CRIM1: variants seen among roughly 807,000 people sequenced by gnomAD.
CRIM1 encodes the protein cysteine rich transmembrane BMP regulator 1, also known as cysteine-rich motor neuron 1 protein.
A neutral mutation model predicts 116.4 loss-of-function variants in CRIM1; 32 were observed. The observed-to-expected ratio is 0.27, with a 90% CI of 0.21 to 0.37. The LOEUF is 0.37. Among genes scored for constraint, CRIM1 ranks in the 10% least tolerant of loss-of-function variants. The pLI is 1.00. For synonymous variants in CRIM1, 590 were observed against 509.2 expected (o/e 1.16, Z -2.13); for missense variants, 1,331 against 1,354.8 (o/e 0.98, Z 0.28).
At chr2:36,376,940 C>G (rs1011932304) in intron 1 of CRIM1, among the ~76,000 whole-genome samples, 3 of 152,158 alleles carry the variant, frequency 2.0e-5, no homozygotes, top group African/African-American at 7.2e-5. Context: ...CTGTGTATCA[C>G]TCTCTCTAAT....
rs1667403716 is a variant in CRIM1, at chr2:36,547,097, A to G, written c.2860A>G (p.Ile954Val). ...VVPIIICLSIIIAFLFINQKK... is the reference protein window; with the variant it reads ...VVPIIICLSIVIAFLFINQKK... ...TCCCATAATTATATGCCTCTCTATTATAATAGCATTCCTATTCATCAATCA... is the reference window on the plus strand; with the variant it reads ...TCCCATAATTATATGCCTCTCTATTGTAATAGCATTCCTATTCATCAATCA... Residue 954 changes from isoleucine (I) to valine (V), a missense_variant, in exon 16 of 17, where the codon ATA (isoleucine) becomes GTA (valine). Ile to Val is a conservative substitution (Grantham distance 29). Around this residue, in one of 3 missense-constraint regions of CRIM1, gnomAD observed 283 missense variants for 242.8 expected, o/e 1.17. Transcript: ENST00000280527. The G allele has an allele frequency of 6.2e-7, 1 of 1,612,828 alleles. No homozygotes were observed. The highest frequency in any genetic ancestry group is 8.5e-7 in the Non-Finnish European group (1 of 1,178,920).
intron 1 of CRIM1, among the ~76,000 whole-genome samples, chr2:36,393,577 C>T (rs1454639029): frequency 1.3e-5 from 2 of 151,910 alleles, no homozygotes; most frequent in African/African-American, 4.8e-5. Flanking sequence ...TTACATAAAA[C>T]CACTATGGTA....
chr2:36,516,723 A>G (rs991713408), intron 11 of CRIM1, among the ~76,000 whole-genome samples: 11 of 152,156 alleles, frequency 7.2e-5, no homozygotes, highest in Non-Finnish European at 1.6e-4. Context: ...CATATTTCCA[A>G]GCATAAAAGT....
At position 36,441,488 on chromosome 2, in the gene CRIM1, G is replaced by A; in HGVS notation, c.736G>A (p.Glu246Lys). 1.9e-6 allele frequency: 3 copies of A among 1,610,912 alleles called. No homozygotes were observed. Among genetic ancestry groups the A allele is most frequent in the Non-Finnish European group, 2.5e-6 (3 of 1,179,992 alleles). Reference sequence around the variant, plus strand: ...GCCGGGAGAGTGCTGTGACCTCTATGAGTGCAAACCAGGTATGCACGAGCT... The same window carrying A: ...GCCGGGAGAGTGCTGTGACCTCTATAAGTGCAAACCAGGTATGCACGAGCT... ...GKPGECCDLY[E>K]CKPVFGVDCR... is the part of the protein sequence containing the mutation. Residue 246 changes from glutamate (E) to lysine (K), a missense_variant, in exon 3 of 17, where the codon GAG (glutamate) becomes AAG (lysine). This residue lies in a region of CRIM1 where 690 missense variants were observed against 676.0 expected (regional missense o/e 1.02). Coordinates refer to ENST00000280527, the MANE Select transcript of CRIM1 (RefSeq NM_016441.3).
At chr2:36,414,431 T>G (rs1265728510) in intron 2 of CRIM1, among the ~76,000 whole-genome samples, 7 of 152,180 alleles carry the variant, frequency 4.6e-5, no homozygotes. Context: ...TCAACAAATA[T>G]TTATTGAGCG....
intron 4 of CRIM1, among the ~76,000 whole-genome samples, chr2:36,447,842 C>T (rs2124956789): frequency 6.6e-6 from 1 of 152,288 alleles, no homozygotes; most frequent in East Asian, 1.9e-4. Context: ...TGGTGTGTTT[C>T]AGAAACGTGA....
chr2:36,520,963 C>T (rs1009978589), intron 12 of CRIM1, among the ~76,000 whole-genome samples: 1 of 152,190 alleles, frequency 6.6e-6, no homozygotes, highest in African/African-American at 2.4e-5. Flanking sequence ...AAATGTGGCC[C>T]TCTTAGAGCT....
intron 15 of CRIM1, among the ~76,000 whole-genome samples, chr2:36,546,103 T>C (rs1255328068): frequency 6.6e-6 from 1 of 152,174 alleles, no homozygotes; most frequent in African/African-American, 2.4e-5. Context: ...GAGCTGAATT[T>C]CCAGAACAAT....
chr2:36,518,354 C>G (rs1665162804), intron 12 of CRIM1, among the ~76,000 whole-genome samples: 1 of 152,140 alleles, frequency 6.6e-6, no homozygotes, highest in Non-Finnish European at 1.5e-5. Flanking sequence ...TAACCATTTA[C>G]TTTCTAAACA....
intron 10 of CRIM1, 97 bp from the exon 11 acceptor site, chr2:36,513,459 T>G: frequency 1.1e-6 from 1 of 889,962 alleles, no homozygotes; most frequent in Non-Finnish European, 1.9e-6. Flanking sequence ...TTAGACGTAA[T>G]TGTTGGTGGC....
intron 13 of CRIM1, among the ~76,000 whole-genome samples, chr2:36,530,426 G>A (rs1666033951): frequency 6.6e-6 from 1 of 152,092 alleles, no homozygotes; most frequent in Non-Finnish European, 1.5e-5. Flanking sequence ...CAAACAGGAG[G>A]TGCTCACATT....
intron 4 of CRIM1, among the ~76,000 whole-genome samples, chr2:36,461,856 G>A (rs1203010388): frequency 6.6e-6 from 1 of 152,172 alleles, no homozygotes; most frequent in African/African-American, 2.4e-5. Flanking sequence ...TTTCAGTAAG[G>A]TTTTAACCTA....
intron 14 of CRIM1, among the ~76,000 whole-genome samples, chr2:36,539,363 G>A (rs1026489820): frequency 6.6e-6 from 1 of 152,238 alleles, no homozygotes; most frequent in Non-Finnish European, 1.5e-5. Context: ...AGGAGGAGCT[G>A]TGTGGAGGTA....
intron 13 of CRIM1, chr2:36,532,008 CAG>C (rs1186610431): frequency 2.1e-6 from 1 of 470,454 alleles, no homozygotes; most frequent in Admixed American, 2.4e-5. Flanking sequence ...TGTATTCTTG[CAG>C]AGACTTTGTT....
chr2:36,476,936 G>A lies in CRIM1; in HGVS notation c.1039G>A (p.Asp347Asn), dbSNP rs767007762. The A allele has an allele frequency of 6.2e-7, 1 of 1,614,114 alleles. No individual in the cohort carries two copies. The highest frequency in any genetic ancestry group is 1.3e-5 in the African/African-American group (1 of 75,052). The change falls in exon 6 of 17, where the codon GAC (aspartate) becomes AAC (asparagine). Residue 347 changes from aspartate to asparagine, a missense_variant. By Grantham distance (23) the Asp-to-Asn change is conservative. Around this residue, in one of 3 missense-constraint regions of CRIM1, gnomAD observed 690 missense variants for 676.0 expected, o/e 1.02. Transcript: ENST00000280527. ...TAACAATGTGGAATATTATGATGGA[G>A]ACATGTTTCGAATGGACAACTGTCG... is the stretch of plus-strand genomic sequence containing the variant. ...VFNNVEYYDG[D>N]MFRMDNCRFC...
intron 1 of CRIM1, among the ~76,000 whole-genome samples, chr2:36,364,067 G>A (rs780370275): frequency 1.1e-4 from 17 of 152,170 alleles, no homozygotes; most frequent in Middle Eastern, 3.4e-3. Flanking sequence ...GTTAGTCGTC[G>A]GTACCTCCTA....
intron 6 of CRIM1, among the ~76,000 whole-genome samples, chr2:36,478,652 T>A (rs1679171690): frequency 6.6e-6 from 1 of 152,192 alleles, no homozygotes; most frequent in African/African-American, 2.4e-5. Flanking sequence ...GTCCTTAGAA[T>A]AATGATGACC....
At position 36,356,508 on chromosome 2, in the gene CRIM1, G is replaced by C; in HGVS notation, c.216G>C (p.Glu72Asp). ...ACACGTGCGCCAGCCAGAGGAACGA[G>C]AGCTGCGGCGGCACCTTCGGGATTT... is the stretch of plus-strand genomic sequence containing the variant. ...CCYTCASQRN[E>D]SCGGTFGIYG... Residue 72 changes from glutamate to aspartate, a missense_variant, in exon 1 of 17, where the codon GAG (glutamate) becomes GAC (aspartate). This residue lies in a region of CRIM1 where 690 missense variants were observed against 676.0 expected (regional missense o/e 1.02). Coordinates refer to ENST00000280527, the MANE Select transcript of CRIM1 (RefSeq NM_016441.3). The surrounding 1 kb of genome is among the most constrained non-coding windows in gnomAD (Gnocchi z 4.3). 2 of 1,612,922 alleles carry C rather than the reference G, an allele frequency of 1.2e-6. No individual in the cohort carries two copies. Among genetic ancestry groups the C allele is most frequent in the Non-Finnish European group, 8.5e-7 (1 of 1,179,862 alleles).
chr2:36,478,435 C>T (rs959988945), intron 6 of CRIM1, among the ~76,000 whole-genome samples: 2 of 152,112 alleles, frequency 1.3e-5, no homozygotes, highest in Non-Finnish European at 2.9e-5. Context: ...GGCATGGATC[C>T]AGTTATGTCT....
Sources: allele counts gnomAD v4.1 joint callset (sites outside exome capture counted in the v4.1 genomes callset), GRCh38; gene constraint gnomAD v4.1.1; regional missense constraint gnomAD v4.1.1; non-coding constraint Gnocchi (gnomAD v3.1); transcripts MANE v1.5; gene names NCBI Gene and HGNC (gene_info 2026-07-23, HGNC 2026-07-21).